The following DOK6 variants were observed in gnomAD, a reference collection of about 807,000 sequenced individuals.
The protein encoded by DOK6 is docking protein 6.
DOK6 carries 22 observed loss-of-function variants against 44.0 expected under a neutral mutation model. The ratio of observed to expected loss-of-function variants is 0.50; its 90% confidence interval spans 0.36 to 0.71. DOK6 has a LOEUF of 0.71. Among genes scored for constraint, DOK6 ranks in the 30% least tolerant of loss-of-function variants. DOK6 has a pLI of 0.00. For missense variants in DOK6, 340 were observed against 416.4 expected (o/e 0.82, Z 1.60); for synonymous variants, 166 against 145.5 (o/e 1.14, Z -1.01).
intron 2 of DOK6, among the ~76,000 whole-genome samples, chr18:69,582,333 G>T (rs531313094): frequency 6.6e-6 from 1 of 152,290 alleles, no homozygotes; most frequent in South Asian, 2.1e-4. Flanking sequence ...AAAGTATAAA[G>T]AAACCTGAAT....
intron 1 of DOK6, among the ~76,000 whole-genome samples, chr18:69,404,333 C>A (rs892512210): frequency 6.6e-6 from 1 of 152,288 alleles, no homozygotes; most frequent in East Asian, 1.9e-4. Context: ...CTGTTGAGTA[C>A]AGTCCCTTAC....
intron 6 of DOK6, among the ~76,000 whole-genome samples, chr18:69,747,602 C>CACCG (rs1979031157): frequency 6.6e-6 from 1 of 150,902 alleles, no homozygotes; most frequent in Non-Finnish European, 1.5e-5. Flanking sequence ...CGCCCCCTCC[C>CACCG]CCCCACAGAA....
At chr18:69,817,949 C>T (rs1041745658) in intron 7 of DOK6, among the ~76,000 whole-genome samples, 6 of 152,152 alleles carry the variant, frequency 3.9e-5, no homozygotes, top group African/African-American at 1.2e-4. Context: ...ACTAAGAAAG[C>T]TTGCCAAAAA....
At chr18:69,459,149 C>T (rs933354434) in intron 1 of DOK6, among the ~76,000 whole-genome samples, 20 of 124,726 alleles carry the variant, frequency 1.6e-4, no homozygotes, top group African/African-American at 6.2e-4. Context: ...CTTAGAAATA[C>T]CTAACCAAGG....
intron 2 of DOK6, among the ~76,000 whole-genome samples, chr18:69,575,733 T>C (rs1409408691): frequency 1.3e-5 from 2 of 152,160 alleles, no homozygotes; most frequent in African/African-American, 4.8e-5. Flanking sequence ...AAGGAAATAG[T>C]AATAATTCTA....
At chr18:69,587,344 C>A (rs148870647) in intron 2 of DOK6, among the ~76,000 whole-genome samples, 1 of 152,234 alleles carries the variant, frequency 6.6e-6, no homozygotes, top group East Asian at 1.9e-4. Context: ...AACATAACTT[C>A]TATCTCTGCC....
rs748208057 is a variant in DOK6 at position 69,677,817 on chromosome 18, G to A, written c.373G>A (p.Asp125Asn). Reference protein sequence around the residue: ...RLNDISLGEPDLLAAGVQREQ... With the variant: ...RLNDISLGEPNLLAAGVQREQ... ...CAATGATATCAGCCTTGGGGAGCCCGACCTTCTGGCCGCAGGAGTGCAGCG... is the reference window on the plus strand; with the variant it reads ...CAATGATATCAGCCTTGGGGAGCCCAACCTTCTGGCCGCAGGAGTGCAGCG... The change falls in exon 4 of 8, where the codon GAC becomes AAC. Residue 125 changes from aspartate to asparagine, a missense_variant. By Grantham distance (23) the Asp-to-Asn change is conservative. Transcript: ENST00000382713. The A allele has an allele frequency of 2.5e-6, 4 of 1,613,676 alleles. No individual in the cohort carries two copies. Among genetic ancestry groups the A allele is most frequent in the Admixed American group, 1.7e-5 (1 of 59,988 alleles).
At chr18:69,796,195 G>A (rs894107247) in intron 7 of DOK6, among the ~76,000 whole-genome samples, 2 of 152,286 alleles carry the variant, frequency 1.3e-5, no homozygotes, top group Non-Finnish European at 2.9e-5. Context: ...AAATTCCAAA[G>A]AAGGGTCCTG....
chr18:69,822,423 A>G (rs1981600606), intron 7 of DOK6, among the ~76,000 whole-genome samples: 1 of 151,652 alleles, frequency 6.6e-6, no homozygotes, highest in Non-Finnish European at 1.5e-5. Flanking sequence ...AGCCTTTTTG[A>G]TGGCTAATTG....
rs931096023 is a variant in DOK6, at chr18:69,843,230, C to G, written c.*1847C>G. On this transcript the variant is annotated 3_prime_UTR_variant, in exon 8 of 8. Coordinates refer to ENST00000382713, the MANE Select transcript of DOK6 (RefSeq NM_152721.6). ...AAGAAAATTACCCAGGTTCTCTGCA[C>G]TGTGAATTTTGCTGACACAGCGGAG... The G allele has an allele frequency of 3.3e-5, 5 of 152,248 alleles. No individual in the cohort carries two copies. The highest frequency in any genetic ancestry group is 1.2e-4 in the African/African-American group (5 of 41,464). The allele number at this position is 152,248 out of a possible 1,614,324, so 9.4% of individuals were successfully genotyped here. A position where few individuals can be genotyped will look rare whatever the true frequency, so the allele number is the denominator to read the frequency against.
At chr18:69,506,299 T>C (rs1229855297) in intron 1 of DOK6, among the ~76,000 whole-genome samples, 1 of 152,104 alleles carries the variant, frequency 6.6e-6, no homozygotes, top group Non-Finnish European at 1.5e-5. Flanking sequence ...TAATGTAAAA[T>C]TTTGTAAGCC....
At chr18:69,814,933 GA>G (rs201001082) in intron 7 of DOK6, among the ~76,000 whole-genome samples, 97 of 150,500 alleles carry the variant, frequency 6.4e-4, no homozygotes, top group African/African-American at 2.3e-3. Flanking sequence ...GTCCAGATAA[GA>G]AAAAAAAAGG....
chr18:69,485,476 A>G (rs1599153637), intron 1 of DOK6, among the ~76,000 whole-genome samples: 1 of 152,178 alleles, frequency 6.6e-6, no homozygotes, highest in Non-Finnish European at 1.5e-5. Flanking sequence ...CCGTGGATGC[A>G]GAATAAAGGC....
chr18:69,733,995 TTTC>T (rs1354089180), intron 5 of DOK6, among the ~76,000 whole-genome samples: 2 of 152,146 alleles, frequency 1.3e-5, no homozygotes, highest in Non-Finnish European at 2.9e-5. Flanking sequence ...TCATCTATCT[TTTC>T]TTCTGTGACT....
chr18:69,492,405 CTTATT>C (rs1419314432), intron 1 of DOK6, among the ~76,000 whole-genome samples: 68 of 151,994 alleles, frequency 4.5e-4, no homozygotes, highest in Non-Finnish European at 8.2e-4. Flanking sequence ...TTTATTTTAT[CTTATT>C]TTATTTTATT....
chr18:69,743,774 A>C (rs1457232979), intron 6 of DOK6, among the ~76,000 whole-genome samples: 1 of 152,020 alleles, frequency 6.6e-6, no homozygotes, highest in Non-Finnish European at 1.5e-5. Context: ...GTAATTTAAA[A>C]ACATTTGTAT....
chr18:69,401,099 C>T lies in DOK6; in HGVS notation c.-146C>T. The T allele has an allele frequency of 1.4e-6, 1 of 721,590 alleles. No individual in the cohort carries two copies. The highest frequency in any genetic ancestry group is 1.9e-6 in the Non-Finnish European group (1 of 530,876). 44.7% of individuals were successfully genotyped at this position (721,590 alleles called of 1,614,324 possible). The stretch of plus-strand genomic sequence containing the variant: ...CCTGCAGGCGACCCCGCGTCCCCAC[C>T]GGCGGGAGCTCGGGGAAGAGCGGGC... On this transcript the variant is annotated 5_prime_UTR_variant, in exon 1 of 8. Transcript: ENST00000382713.
At chr18:69,655,467 C>T (rs2144666501) in intron 3 of DOK6, among the ~76,000 whole-genome samples, 1 of 151,984 alleles carries the variant, frequency 6.6e-6, no homozygotes, top group South Asian at 2.1e-4. Flanking sequence ...GAATGCAGCA[C>T]AAAGGTTGGG....
At chr18:69,419,808 T>C (rs1978436039) in intron 1 of DOK6, among the ~76,000 whole-genome samples, 1 of 152,132 alleles carries the variant, frequency 6.6e-6, no homozygotes, top group African/African-American at 2.4e-5. Flanking sequence ...TCAATAAACA[T>C]TTGTTAAATT....
Sources: allele counts gnomAD v4.1 joint callset (sites outside exome capture counted in the v4.1 genomes callset), GRCh38; gene constraint gnomAD v4.1.1; transcripts MANE v1.5; gene names NCBI Gene and HGNC (gene_info 2026-07-23, HGNC 2026-07-21).